ACVRL1: variants seen among roughly 807,000 people sequenced by gnomAD.
ACVRL1 encodes activin receptor type-1-like.
ACVRL1 carries 20 observed loss-of-function variants against 51.9 expected under a neutral mutation model. That is an observed-to-expected ratio of 0.39 (90% CI 0.27 to 0.56). The LOEUF is 0.56. Ranked by LOEUF, ACVRL1 falls within the 20% of genes least tolerant of loss-of-function variation. ACVRL1 has a pLI of 0.67. For synonymous variants in ACVRL1, 288 were observed against 280.9 expected, an observed-to-expected ratio of 1.03 and a Z score of -0.25; for missense variants, 451 against 670.3, an observed-to-expected ratio of 0.67 and a Z score of 3.61.
intron 8 of ACVRL1, among the ~76,000 whole-genome samples, chr12:51,918,247 T>C (rs1487090170): frequency 6.6e-6 from 1 of 152,230 alleles, no homozygotes; most frequent in African/African-American, 2.4e-5. Flanking sequence ...GGTGATGTTA[T>C]GTGGACCTGG....
chr12:51,920,147 G>A (rs558090480), intron 9 of ACVRL1, among the ~76,000 whole-genome samples: 1 of 152,264 alleles, frequency 6.6e-6, no homozygotes, highest in South Asian at 2.1e-4. Flanking sequence ...GGGATGGGTT[G>A]ATGAGCTTCC....
At chr12:51,913,020 C>T in intron 2 of ACVRL1, 79 bp from the exon 3 acceptor site, 3 of 1,551,886 alleles carry the variant, frequency 1.9e-6, no homozygotes, top group African/African-American at 1.3e-5. Context: ...ACGAGAGGGA[C>T]AGTAGGACAG....
rs1280392471 is a variant in ACVRL1, at chr12:51,922,596, G to C, written c.*1703G>C. 6.6e-6 allele frequency: 1 copy of C among 152,512 alleles called. No individual in the cohort carries two copies. The highest frequency in any genetic ancestry group is 6.5e-5 in the Admixed American group (1 of 15,286). The allele number at this position is 152,512 out of a possible 1,614,324, so 9.4% of individuals were successfully genotyped here. A position where few individuals can be genotyped will look rare whatever the true frequency, so the allele number is the denominator to read the frequency against. On this transcript the variant is annotated 3_prime_UTR_variant, in exon 10 of 10. Transcript: ENST00000388922. ...TGTATGCTCACGTATGGAGCAGGTT[G>C]TCCTGGTCCCTGGGTGCAGGGAAGT...
At position 51,917,981 on chromosome 12, in the gene ACVRL1, G is replaced by A. The variant is rs570577700; in HGVS notation, c.1247-1004G>A. On this transcript the variant is annotated intron_variant, in intron 8 of 9. Coordinates refer to ENST00000388922, the MANE Select transcript of ACVRL1 (RefSeq NM_000020.3). This position sits in a 1 kb window ranked among gnomAD's most constrained non-coding sequence, Gnocchi z 4.2. ...GCCTCTGTGCAGCACTGATTAGGGC[G>A]TGAGCGGCACAGGGGCCGGCCTGGA... Among the ~76,000 whole-genome samples the A allele has an allele frequency of 2.0e-5, 3 of 152,372 alleles. No homozygotes were observed. Among genetic ancestry groups the A allele is most frequent in the Non-Finnish European group, 2.9e-5 (2 of 68,042 alleles).
In ACVRL1 at chr12:51,920,942, G is replaced by GGGGGGGGGGGGC; in HGVS notation, c.*52_*53insGGGGGGGGCGGG. ...TGCCTGCAGGGGGCTGGGGGGGTGG[G>GGGGGGGGGGGGC]GGGCAGTGGATGGTGCCCTATCTGG... On this transcript the variant is annotated 3_prime_UTR_variant, in exon 10 of 10. Coordinates refer to ENST00000388922, the MANE Select transcript of ACVRL1 (RefSeq NM_000020.3). 3.2e-6 allele frequency: 2 copies of GGGGGGGGGGGGC among 629,040 alleles called. No individual in the cohort carries two copies. Among genetic ancestry groups the GGGGGGGGGGGGC allele is most frequent in the Non-Finnish European group, 5.9e-6 (2 of 341,658 alleles). 39.0% of individuals were successfully genotyped at this position (629,040 alleles called of 1,614,324 possible).
rs944697874 is a variant in ACVRL1 at position 51,922,711 on chromosome 12, T to C, written c.*1818T>C. 1.3e-5 allele frequency: 2 copies of C among 152,050 alleles called. No individual in the cohort carries two copies. Among genetic ancestry groups the C allele is most frequent in the Admixed American group, 1.3e-4 (2 of 15,254 alleles). 9.4% of individuals were successfully genotyped at this position (152,050 alleles called of 1,614,324 possible). A position where few individuals can be genotyped will look rare whatever the true frequency, so the allele number is the denominator to read the frequency against. ...GCTATGGACAAGGACAGCCCCAAGG[T>C]TGGGAAGACCTGGCCTTAGTCGTCC... is the stretch of plus-strand genomic sequence containing the variant. On this transcript the variant is annotated 3_prime_UTR_variant, in exon 10 of 10. Coordinates refer to ENST00000388922, the MANE Select transcript of ACVRL1 (RefSeq NM_000020.3).
chr12:51,918,868 C>G, intron 8 of ACVRL1, 117 bp from the exon 9 acceptor site: 2 of 1,432,448 alleles, frequency 1.4e-6, no homozygotes, highest in Non-Finnish European at 9.8e-7. Context: ...TCAGGGGTAG[C>G]GTGTCCAGGC....
At position 51,917,159 on chromosome 12, in the gene ACVRL1, G is replaced by A. The variant is rs902310779; in HGVS notation, c.1246+926G>A. Among the ~76,000 whole-genome samples the A allele has an allele frequency of 2.0e-5, 3 of 152,214 alleles. No individual in the cohort carries two copies. The highest frequency in any genetic ancestry group is 3.2e-3 in the Middle Eastern group (1 of 316). On this transcript the variant is annotated intron_variant, in intron 8 of 9. Transcript: ENST00000388922. This position sits in a 1 kb window ranked among gnomAD's most constrained non-coding sequence, Gnocchi z 4.2. ...TTACAGTTGAGGAGACGGGGGCACA[G>A]AATGACAGTGGGCTTGAGGCAGCAT...
In ACVRL1 at chr12:51,919,128, C is replaced by A. The variant is rs375767389; in HGVS notation, c.1377+13C>A. Reference sequence around the variant, plus strand: ...GGCTGCAGACCCGGTGAGGCCTCTGCTGGGACTAGGATGGCGTGGGGTGGT... The same window carrying A: ...GGCTGCAGACCCGGTGAGGCCTCTGATGGGACTAGGATGGCGTGGGGTGGT... On this transcript the variant is annotated intron_variant, in intron 9 of 9. Transcript: ENST00000388922. 4 of 1,613,474 alleles carry A rather than the reference C, an allele frequency of 2.5e-6. No individual in the cohort carries two copies. The highest frequency in any genetic ancestry group is 1.3e-5 in the African/African-American group (1 of 74,860).
Position 51,917,526 on chromosome 12 carries a change from T to C in ACVRL1, c.1246+1293T>C, listed in dbSNP as rs1159876688. The stretch of plus-strand genomic sequence containing the variant: ...AGGGACTTCCAGGAGTCGTGACAGG[T>C]TGGGGACAATCCTCAGGATATGGCT... On this transcript the variant is annotated intron_variant, in intron 8 of 9. Coordinates refer to ENST00000388922, the MANE Select transcript of ACVRL1 (RefSeq NM_000020.3). This position sits in a 1 kb window ranked among gnomAD's most constrained non-coding sequence, Gnocchi z 4.2. 6.6e-6 allele frequency among the ~76,000 whole-genome samples: 1 copy of C among 152,088 alleles called. No individual in the cohort carries two copies. The highest frequency in any genetic ancestry group is 2.4e-5 in the African/African-American group (1 of 41,406).
At chr12:51,915,072 C>G (rs1274128311) in intron 6 of ACVRL1, among the ~76,000 whole-genome samples, 153 bp from the exon 7 acceptor site, 1 of 152,172 alleles carries the variant, frequency 6.6e-6, no homozygotes, top group African/African-American at 2.4e-5. Flanking sequence ...CCAGCTCTGT[C>G]TCTGACCTAA....
chr12:51,911,447 A>G (rs1219067755), intron 1 of ACVRL1, among the ~76,000 whole-genome samples: 1 of 152,160 alleles, frequency 6.6e-6, no homozygotes, highest in African/African-American at 2.4e-5. Flanking sequence ...CTAGATGGCA[A>G]GGGGAAAGAA....
chr12:51,919,718 T>G (rs1214713216), intron 9 of ACVRL1, among the ~76,000 whole-genome samples: 6 of 152,194 alleles, frequency 3.9e-5, no homozygotes, highest in Non-Finnish European at 4.4e-5. Context: ...TTGCTATTTG[T>G]CTTTGTTTGT....
At chr12:51,918,506 A>G (rs1940895549) in intron 8 of ACVRL1, among the ~76,000 whole-genome samples, 1 of 152,156 alleles carries the variant, frequency 6.6e-6, no homozygotes, top group Admixed American at 6.5e-5. Context: ...ATTTGGTGTT[A>G]TTATTATCAG....
chr12:51,920,446 C>G (rs1940946364), intron 9 of ACVRL1, among the ~76,000 whole-genome samples: 2 of 152,184 alleles, frequency 1.3e-5, no homozygotes, highest in Non-Finnish European at 1.5e-5. Context: ...TCTGAGTTCT[C>G]TCTTTCTGTC....
At chr12:51,915,780 T>C in intron 7 of ACVRL1, 1 of 638,440 alleles carries the variant, frequency 1.6e-6, no homozygotes, top group Non-Finnish European at 2.7e-6. Flanking sequence ...AGGTCTGCTC[T>C]GTGAAGTGGG....
chr12:51,916,269 A>C (rs1280147039), intron 8 of ACVRL1, 36 bp downstream of exon 8: 1 of 1,605,054 alleles, frequency 6.2e-7, no homozygotes, highest in Admixed American at 1.7e-5. Flanking sequence ...GGGAAAGGGG[A>C]ATCAGCCTGT....
intron 8 of ACVRL1, among the ~76,000 whole-genome samples, chr12:51,916,760 G>C (rs1277187432): frequency 6.6e-6 from 1 of 152,178 alleles, no homozygotes; most frequent in Non-Finnish European, 1.5e-5. Flanking sequence ...GATCACCTGA[G>C]GTCAGGAATT....
chr12:51,915,524 C>T (rs777781881), intron 7 of ACVRL1, 24 bp downstream of exon 7: 14 of 1,596,662 alleles, frequency 8.8e-6, no homozygotes, highest in Non-Finnish European at 1.2e-5. Context: ...GGCAGGGGCG[C>T]GCCCTTCACA....
Sources: gnomAD v4.1 joint callset for allele counts (sites outside exome capture counted in the v4.1 genomes callset) on GRCh38, gnomAD v4.1.1 for gene constraint, Gnocchi (gnomAD v3.1) non-coding constraint, MANE v1.5 for transcripts, NCBI Gene and HGNC (gene_info 2026-07-23, HGNC 2026-07-21) for gene names.